Variants in YEATS2 observed in about 807,000 individuals in gnomAD.
The protein encoded by YEATS2 is YEATS domain containing 2.
Under a neutral mutation model 163.2 loss-of-function variants are expected in YEATS2, and 77 were observed. That is an observed-to-expected ratio of 0.47 (90% CI 0.39 to 0.57). The LOEUF (loss-of-function observed/expected upper bound fraction) is 0.57, where lower values mean the gene tolerates loss of function less well. YEATS2 is among the 20% of genes least tolerant of loss of function. YEATS2 has a pLI of 0.00. For synonymous variants in YEATS2, 631 were observed against 645.1 expected, an observed-to-expected ratio of 0.98 and a Z score of 0.33; for missense variants, 1,549 against 1,729.8, an observed-to-expected ratio of 0.90 and a Z score of 1.85.
At chr3:183,726,863 G>A (rs1255929245) in intron 6 of YEATS2, among the ~76,000 whole-genome samples, 5 of 152,066 alleles carry the variant, frequency 3.3e-5, no homozygotes, top group East Asian at 1.9e-4. Flanking sequence ...GTGCAATGGC[G>A]CGATCTCAGC....
intron 13 of YEATS2, among the ~76,000 whole-genome samples, chr3:183,760,591 G>A (rs1386588568): frequency 6.6e-6 from 1 of 152,148 alleles, no homozygotes; most frequent in Non-Finnish European, 1.5e-5. Flanking sequence ...CAAAGTGCTG[G>A]GATTACAGGC....
intron 29 of YEATS2, 182 bp from the exon 30 acceptor site, chr3:183,808,915 T>G: frequency 1.8e-6 from 1 of 562,180 alleles, no homozygotes; most frequent in East Asian, 2.9e-5. Flanking sequence ...ATTCATAATT[T>G]CTCAGAATCA....
In YEATS2 at chr3:183,806,957, G is replaced by A. The variant is rs772546406; in HGVS notation, c.3876G>A (p.Glu1292=). Residue 1292 remains glutamate (E), a synonymous_variant, in exon 28 of 31, where the codon GAG becomes GAA. Transcript: ENST00000305135. ...AGAAAAGGGAACCCGAGAATGAGGA[G>A]GAGGTGGACATCCTCAGCCTCTCCG... ...QFQKREPENE[E]EVDILSLSEP... 3.1e-6 allele frequency: 5 copies of A among 1,614,036 alleles called. No individual in the cohort carries two copies. The Admixed American group carries it at 5.0e-5, about 16-fold the overall frequency.
Position 183,717,673 on chromosome 3 carries a change from G to A in YEATS2, c.123G>A (p.Lys41=). 6.4e-7 allele frequency: 1 copy of A among 1,566,836 alleles called. No individual in the cohort carries two copies. The highest frequency in any genetic ancestry group is 2.0e-5 in the Admixed American group (1 of 48,956). Residue 41 remains lysine (K), a synonymous_variant, in exon 3 of 31, where the codon AAG becomes AAA. Transcript: ENST00000305135. ...ENSARDAAVQ[K]IETIIKEQFA... is the part of the protein sequence containing the mutation. ...CAGCTCGAGATGCTGCTGTGCAGAA[G>A]ATTGAGACTATTATCAAAGAACAGT... is the stretch of plus-strand genomic sequence containing the variant.
chr3:183,798,970 T>C lies in YEATS2; in HGVS notation c.3306T>C (p.Ala1102=). 1 of 1,614,040 alleles carries C rather than the reference T, an allele frequency of 6.2e-7. No homozygotes were observed. The highest frequency in any genetic ancestry group is 8.5e-7 in the Non-Finnish European group (1 of 1,179,896). The change falls in exon 23 of 31, where the codon GCT becomes GCC. Residue 1102 remains alanine, a synonymous_variant. Coordinates refer to ENST00000305135, the MANE Select transcript of YEATS2 (RefSeq NM_018023.5). ...AAPTPVVPSS[A]PAAVAKVKTE... ...CAACTCCAGTTGTCCCCAGCTCTGC[T>C]CCAGCAGCTGTTGCAAAAGGTACGT...
intron 9 of YEATS2, 86 bp from the exon 10 acceptor site, chr3:183,751,987 C>A: frequency 6.9e-7 from 1 of 1,446,258 alleles, no homozygotes; most frequent in Non-Finnish European, 9.6e-7. Flanking sequence ...CTCTCACATC[C>A]CGGAGATTAC....
At chr3:183,736,961 A>C in intron 8 of YEATS2, 132 bp downstream of exon 8, 3 of 662,616 alleles carry the variant, frequency 4.5e-6, no homozygotes, top group South Asian at 2.2e-5. Flanking sequence ...CTCCCCCAAA[A>C]CTTAACTATT....
chr3:183,714,978 G>T (rs891398052), intron 1 of YEATS2, among the ~76,000 whole-genome samples, 166 bp from the exon 2 acceptor site: 2 of 151,164 alleles, frequency 1.3e-5, no homozygotes, highest in Admixed American at 6.6e-5. Flanking sequence ...ATGTATATGT[G>T]TGTATATACA....
intron 27 of YEATS2, among the ~76,000 whole-genome samples, chr3:183,805,787 CA>C (rs939279038): frequency 4.4e-4 from 66 of 148,702 alleles, no homozygotes; most frequent in African/African-American, 1.4e-3. Flanking sequence ...AAACCCTGTC[CA>C]AAAAAAAAAG....
rs562444992 is a variant in YEATS2, at chr3:183,704,247, G to C, written c.-20+6254G>C. On this transcript the variant is annotated intron_variant, in intron 1 of 30. Coordinates refer to ENST00000305135, the MANE Select transcript of YEATS2 (RefSeq NM_018023.5). Reference sequence around the variant, plus strand: ...CTCCCCACTTTGGTTTTAGGATTTAGCCTTTGTTCGTTCTGCTTGTTTCTT... The same window carrying C: ...CTCCCCACTTTGGTTTTAGGATTTACCCTTTGTTCGTTCTGCTTGTTTCTT... Among the ~76,000 whole-genome samples, 11 of 151,416 alleles carry C rather than the reference G, an allele frequency of 7.3e-5. No individual in the cohort carries two copies. In the East Asian group the frequency reaches 1.9e-3, roughly 27 times the overall value.
rs772305685 is a variant in YEATS2 at position 183,756,590 on chromosome 3, C to T, written c.1453C>T (p.His485Tyr). The T allele has an allele frequency of 1.2e-6, 2 of 1,607,466 alleles. No homozygotes were observed. Among genetic ancestry groups the T allele is most frequent in the South Asian group, 1.1e-5 (1 of 88,940 alleles). Residue 485 changes from histidine to tyrosine, a missense_variant, in exon 12 of 31, where the codon CAC (histidine) becomes TAC (tyrosine). By Grantham distance (83) the His-to-Tyr change is moderately conservative. Transcript: ENST00000305135. ...TCGAACCCCGACTTCCACTCCAGTC[C>T]ACGTGAAGCAAGGCACTGCCGGCTC... ...LPRTPTSTPVHVKQGTAGSVI... is the reference protein window; with the variant it reads ...LPRTPTSTPVYVKQGTAGSVI...
chr3:183,789,540 T>TTTTTTTC (rs1724395149), intron 20 of YEATS2, among the ~76,000 whole-genome samples: 1 of 121,652 alleles, frequency 8.2e-6, no homozygotes, highest in East Asian at 2.5e-4. Flanking sequence ...TTTTTTTTTT[T>TTTTTTTC]TTTTTTTTTT....
rs973699049 is a variant in YEATS2, at chr3:183,806,893, A to G, written c.3812A>G (p.Asp1271Gly). The G allele has an allele frequency of 6.8e-6, 11 of 1,614,000 alleles. No individual in the cohort carries two copies. Among genetic ancestry groups the G allele is most frequent in the Non-Finnish European group, 8.5e-6 (10 of 1,179,928 alleles). The change falls in exon 28 of 31, where the codon GAC (aspartate) becomes GGC (glycine). Residue 1271 changes from aspartate to glycine, a missense_variant. Transcript: ENST00000305135. Reference protein sequence around the residue: ...PECPSSFSSADNLCRKLEDLQ... With the variant: ...PECPSSFSSAGNLCRKLEDLQ... ...TGCCCATCATCATTCTCCTCTGCTG[A>G]CAACCTCTGCCGCAAACTGGAGGAC... is the stretch of plus-strand genomic sequence containing the variant.
intron 20 of YEATS2, among the ~76,000 whole-genome samples, chr3:183,788,871 C>A (rs990689296): frequency 6.6e-6 from 1 of 152,230 alleles, no homozygotes; most frequent in Admixed American, 6.5e-5. Flanking sequence ...GTTTCTCTCA[C>A]AATTAATGAT....
At chr3:183,810,337 C>G (rs1216895228) in intron 30 of YEATS2, 138 bp from the exon 31 acceptor site, 1 of 718,300 alleles carries the variant, frequency 1.4e-6, no homozygotes, top group African/African-American at 1.8e-5. Context: ...CAGAGTGGCC[C>G]TAAGCTATGT....
intron 1 of YEATS2, among the ~76,000 whole-genome samples, chr3:183,705,965 G>A (rs1577026512): frequency 6.6e-6 from 1 of 152,004 alleles, no homozygotes; most frequent in Admixed American, 6.6e-5. Flanking sequence ...GCCTGACCCG[G>A]GAGGCGGAGC....
In YEATS2 at chr3:183,800,444, CTT is replaced by C. The variant is rs754992432; in HGVS notation, c.3326-20_3326-19del. On this transcript the variant is annotated intron_variant, in intron 23 of 30. Transcript: ENST00000305135. Reference sequence around the variant, plus strand: ...CACCACTGACCCCTAACAGCTGCCTCTTTGTTGCTCTTCCCTTGTAGTGAAGA... The same window carrying C: ...CACCACTGACCCCTAACAGCTGCCTCTGTTGCTCTTCCCTTGTAGTGAAGA... The C allele has an allele frequency of 1.9e-6, 3 of 1,595,636 alleles. No homozygotes were observed. Among genetic ancestry groups the C allele is most frequent in the African/African-American group, 2.7e-5 (2 of 74,342 alleles).
chr3:183,765,940 C>T (rs187369357), intron 15 of YEATS2, among the ~76,000 whole-genome samples: 8 of 148,650 alleles, frequency 5.4e-5, no homozygotes, highest in Admixed American at 4.7e-4. Context: ...GAGCAAGACT[C>T]TGTCTAAAAA....
intron 3 of YEATS2, 103 bp downstream of exon 3, chr3:183,717,851 T>G: frequency 1.4e-5 from 6 of 431,742 alleles, no homozygotes; most frequent in Non-Finnish European, 1.9e-5. Context: ...TGCTTTATCC[T>G]CCTCTTTGCT....
Sources: allele counts gnomAD v4.1 joint callset (sites outside exome capture counted in the v4.1 genomes callset), GRCh38; gene constraint gnomAD v4.1.1; transcripts MANE v1.5; gene names NCBI Gene and HGNC (gene_info 2026-07-23, HGNC 2026-07-21).